GRIA3: variants seen among roughly 807,000 people sequenced by gnomAD.
GRIA3 encodes glutamate receptor 3.
GRIA3 carries 3 observed loss-of-function variants against 63.0 expected under a neutral mutation model. The observed-to-expected ratio is 0.05, with a 90% CI of 0.02 to 0.12. GRIA3 has a LOEUF of 0.12. Among genes scored for constraint, GRIA3 ranks in the 10% least tolerant of loss-of-function variants. The probability of loss-of-function intolerance (pLI) is 1.00; values close to 1 mark genes in which losing one functional copy is unlikely to be tolerated. For synonymous variants in GRIA3, 274 were observed against 257.9 expected (o/e 1.06, Z -0.60); for missense variants, 347 against 700.9 (o/e 0.50, Z 5.70).
intron 5 of GRIA3, among the ~76,000 whole-genome samples, chrX:123,381,744 G>C (rs890181947): frequency 9.0e-6 from 1 of 111,705 alleles, no homozygotes; most frequent in African/African-American, 3.3e-5. Flanking sequence ...GTCACTTAAA[G>C]AGTGGAATTT....
Position 123,436,968 on chromosome X carries a change from T to G in GRIA3, c.2076+8829T>G, listed in dbSNP as rs763089582. Among the ~76,000 whole-genome samples the G allele has an allele frequency of 1.2e-4, 13 of 110,331 alleles. No homozygotes were observed. The South Asian group carries it at 5.1e-3, about 43-fold the overall frequency. ...ATGCAGAAGCCTAAAAACTTGACCGTAAGGATCAAGTAAAATTCGACTTAC... is the reference window on the plus strand; with the variant it reads ...ATGCAGAAGCCTAAAAACTTGACCGGAAGGATCAAGTAAAATTCGACTTAC... On this transcript the variant is annotated intron_variant, in intron 12 of 15. Coordinates refer to ENST00000620443, the MANE Select transcript of GRIA3 (RefSeq NM_007325.5).
intron 3 of GRIA3, among the ~76,000 whole-genome samples, chrX:123,271,020 A>G (rs1409952959): frequency 1.8e-5 from 2 of 111,907 alleles, no homozygotes; most frequent in Non-Finnish European, 3.8e-5. Context: ...AAGAGACAGA[A>G]AGAAGACAAA....
chrX:123,210,998 G>A (rs775538581), intron 2 of GRIA3, among the ~76,000 whole-genome samples: 1 of 111,384 alleles, frequency 9.0e-6, no homozygotes, highest in Non-Finnish European at 1.9e-5. Flanking sequence ...AATCTTTTCA[G>A]CCAAGTGAAG....
intron 5 of GRIA3, among the ~76,000 whole-genome samples, chrX:123,377,243 G>A (rs1326162507): frequency 1.8e-5 from 2 of 111,302 alleles, no homozygotes; most frequent in East Asian, 2.8e-4. Flanking sequence ...TCCTCTTTTC[G>A]TTCACTCTTT....
intron 3 of GRIA3, among the ~76,000 whole-genome samples, chrX:123,281,450 C>T (rs191370378): frequency 5.4e-5 from 6 of 111,980 alleles, no homozygotes; most frequent in Admixed American, 3.8e-4. Flanking sequence ...AATGTGTGTT[C>T]TTAGATTGCT....
rs768356323 is a variant in GRIA3, at chrX:123,408,693, A to T, written c.1500+3779A>T. ...TTCCCTTTAGTTCTTTCTACTAAAG[A>T]CAAAAGCAATAGCCGGGGAGGCTCT... On this transcript the variant is annotated intron_variant, in intron 10 of 15. Transcript: ENST00000620443. 6.2e-5 allele frequency among the ~76,000 whole-genome samples: 7 copies of T among 112,119 alleles called. No individual in the cohort carries two copies. In the East Asian group the frequency reaches 1.7e-3, roughly 27 times the overall value.
At chrX:123,284,149 C>T (rs1302482545) in intron 3 of GRIA3, among the ~76,000 whole-genome samples, 1 of 112,289 alleles carries the variant, frequency 8.9e-6, no homozygotes. Flanking sequence ...AGACTGGCAG[C>T]AGAGGGGCCT....
At chrX:123,484,520 G>A (rs896024307) in intron 15 of GRIA3, among the ~76,000 whole-genome samples, 9 of 111,433 alleles carry the variant, frequency 8.1e-5, no homozygotes, top group Admixed American at 1.9e-4. Flanking sequence ...TCACTCTATC[G>A]CCCAGGCTGG....
intron 4 of GRIA3, among the ~76,000 whole-genome samples, chrX:123,341,968 G>C (rs2045011495): frequency 9.1e-6 from 1 of 109,965 alleles, no homozygotes; most frequent in Admixed American, 9.6e-5. Context: ...ATAGGACTAA[G>C]AGTGGGTTTT....
At chrX:123,398,843 T>C (rs376237113) in intron 7 of GRIA3, 40 bp downstream of exon 7, 1 of 1,078,289 alleles carries the variant, frequency 9.3e-7, no homozygotes, top group Middle Eastern at 2.5e-4. Flanking sequence ...AAGAAACTTA[T>C]AAAGACATAA....
chrX:123,227,971 AC>A (rs1202839498), intron 2 of GRIA3, among the ~76,000 whole-genome samples: 1 of 111,796 alleles, frequency 8.9e-6, no homozygotes, highest in Non-Finnish European at 1.9e-5. Context: ...GGCTGTTTGA[AC>A]TTTCCGTGTT....
At chrX:123,449,406 T>G (rs1190049781) in intron 12 of GRIA3, among the ~76,000 whole-genome samples, 1 of 112,288 alleles carries the variant, frequency 8.9e-6, no homozygotes, top group East Asian at 2.8e-4. Flanking sequence ...TAAAGATTAG[T>G]GGAACCTAAT....
intron 12 of GRIA3, among the ~76,000 whole-genome samples, chrX:123,444,540 G>T (rs959974921): frequency 3.6e-5 from 4 of 111,099 alleles, no homozygotes; most frequent in Admixed American, 9.6e-5. Context: ...GAGACCAGGG[G>T]TCCAACCTTC....
chrX:123,447,301 A>C (rs1203458181), intron 12 of GRIA3, among the ~76,000 whole-genome samples: 3 of 111,600 alleles, frequency 2.7e-5, no homozygotes, highest in Non-Finnish European at 3.8e-5. Context: ...ACAAAAAAAA[A>C]CACAACAAAC....
chrX:123,274,352 T>G (rs1299096250), intron 3 of GRIA3, among the ~76,000 whole-genome samples: 1 of 111,961 alleles, frequency 8.9e-6, no homozygotes, highest in Admixed American at 9.5e-5. Context: ...GACACTTGCT[T>G]GTGACCAATC....
At chrX:123,276,183 T>C (rs769226374) in intron 3 of GRIA3, among the ~76,000 whole-genome samples, 4 of 111,640 alleles carry the variant, frequency 3.6e-5, no homozygotes, top group Non-Finnish European at 5.7e-5. Context: ...TTCTCCTCCA[T>C]ATTCTTGCTA....
In GRIA3 at chrX:123,482,980, C is replaced by T; in HGVS notation, c.2621C>T (p.Thr874Ile). The change falls in exon 15 of 16, where the codon ACT becomes ATT. Residue 874 changes from threonine to isoleucine, a missense_variant. Around this residue, in one of 8 missense-constraint regions of GRIA3, gnomAD observed 29 missense variants for 46.7 expected, o/e 0.62. Transcript: ENST00000620443. ...QNFKPAPATN[T>I]QNYATYREGY... Reference sequence around the variant, plus strand: ...TTTAAGCCTGCTCCTGCCACCAACACTCAGAATTATGCTACATACAGAGAA... The same window carrying T: ...TTTAAGCCTGCTCCTGCCACCAACATTCAGAATTATGCTACATACAGAGAA... 1 of 1,205,177 alleles carries T rather than the reference C, an allele frequency of 8.3e-7. No individual in the cohort carries two copies.
At chrX:123,351,400 T>C (rs187660188) in intron 4 of GRIA3, among the ~76,000 whole-genome samples, 310 of 112,129 alleles carry the variant, frequency 2.8e-3, no homozygotes, top group Non-Finnish European at 1.8e-3. Context: ...AGTAGGATCA[T>C]AGCTGCTCCA....
At chrX:123,201,449 G>A (rs1296869087) in intron 2 of GRIA3, among the ~76,000 whole-genome samples, 2 of 111,872 alleles carry the variant, frequency 1.8e-5, no homozygotes, top group African/African-American at 6.5e-5. Context: ...GCTGAATACA[G>A]TGAGCCTGGG....
Sources: allele counts gnomAD v4.1 joint callset (sites outside exome capture counted in the v4.1 genomes callset), GRCh38; gene constraint gnomAD v4.1.1; regional missense constraint gnomAD v4.1.1; transcripts MANE v1.5; gene names NCBI Gene and HGNC (gene_info 2026-07-23, HGNC 2026-07-21).